The following MREG variants were observed in gnomAD, a reference collection of about 807,000 sequenced individuals.
MREG encodes dilute suppressor protein homolog.
MREG carries 31 observed loss-of-function variants against 28.5 expected under a neutral mutation model. That is an observed-to-expected ratio of 1.09 (90% CI 0.82 to 1.47). The LOEUF is 1.47. MREG is among the 40% of genes most tolerant of loss of function. MREG has a pLI of 0.00. For missense variants in MREG, 256 were observed against 257.4 expected (o/e 0.99, Z 0.04); for synonymous variants, 106 against 95.2 (o/e 1.11, Z -0.66).
At chr2:215,987,277 GCT>G (rs1174925929) in intron 2 of MREG, among the ~76,000 whole-genome samples, 2 of 150,982 alleles carry the variant, frequency 1.3e-5, no homozygotes, top group East Asian at 3.9e-4. Context: ...ATGAAGTCTT[GCT>G]CTGTCACCCA....
intron 1 of MREG, among the ~76,000 whole-genome samples, chr2:215,999,587 TCTA>T (rs1693959325): frequency 6.6e-6 from 1 of 152,212 alleles, no homozygotes; most frequent in Admixed American, 6.5e-5. Flanking sequence ...AAAATGGGGT[TCTA>T]CTGCTAAACA....
chr2:215,958,989 T>C (rs1574600536), intron 2 of MREG, among the ~76,000 whole-genome samples: 1 of 152,120 alleles, frequency 6.6e-6, no homozygotes, highest in East Asian at 1.9e-4. Flanking sequence ...CTGCCTAGAG[T>C]CTAAGTCAAG....
At position 215,971,900 on chromosome 2, in the gene MREG, A is replaced by G. The variant is rs114838581; in HGVS notation, c.255+24406T>C. On this transcript the variant is annotated intron_variant, in intron 2 of 4. Coordinates refer to ENST00000263268, the MANE Select transcript of MREG (RefSeq NM_018000.3). ...CAAGGATCTGCCAGCGAGAAGGGAGATCATTTCTCAAACGCACTGCCTTAC... is the reference window on the plus strand; with the variant it reads ...CAAGGATCTGCCAGCGAGAAGGGAGGTCATTTCTCAAACGCACTGCCTTAC... Among the ~76,000 whole-genome samples, 1,138 of 152,238 alleles carry G rather than the reference A, an allele frequency of 7.5e-3. 9 individuals carry two copies. Among genetic ancestry groups the G allele is most frequent in the African/African-American group, 0.025 (1,053 of 41,518 alleles).
chr2:216,028,795 C>A (rs1351993605), intron 1 of MREG, among the ~76,000 whole-genome samples: 1 of 151,818 alleles, frequency 6.6e-6, no homozygotes, highest in Non-Finnish European at 1.5e-5. Flanking sequence ...TGAATTCTAC[C>A]AATTACAGAC....
intron 2 of MREG, among the ~76,000 whole-genome samples, chr2:215,994,823 A>G (rs545987945): frequency 1.3e-5 from 2 of 152,328 alleles, no homozygotes; most frequent in South Asian, 4.1e-4. Flanking sequence ...GAGAGCTGCC[A>G]AATTCAGCTC....
chr2:215,959,054 C>A (rs1051884135), intron 2 of MREG, among the ~76,000 whole-genome samples: 2 of 151,980 alleles, frequency 1.3e-5, no homozygotes, highest in South Asian at 2.1e-4. Flanking sequence ...CCAGCTGATC[C>A]CCCTCACTCT....
chr2:215,982,627 C>T (rs376699164), intron 2 of MREG, among the ~76,000 whole-genome samples: 4 of 152,202 alleles, frequency 2.6e-5, no homozygotes, highest in East Asian at 3.9e-4. Context: ...AGTGTCTACT[C>T]GAGGCAGGAA....
intron 1 of MREG, among the ~76,000 whole-genome samples, chr2:216,019,865 T>C (rs990410323): frequency 1.1e-4 from 17 of 152,206 alleles, no homozygotes; most frequent in African/African-American, 4.1e-4. Context: ...ATATATACTC[T>C]AGAAAACCTT....
downstream of MREG, among the ~76,000 whole-genome samples, chr2:215,942,262 T>C (rs1559170827): frequency 6.6e-6 from 1 of 150,670 alleles, no homozygotes; most frequent in Admixed American, 6.6e-5. Flanking sequence ...AGTAAGAATA[T>C]AAAAAAAAAT....
chr2:216,007,409 T>TTA (rs1694185933), intron 1 of MREG, among the ~76,000 whole-genome samples: 1 of 122,350 alleles, frequency 8.2e-6, no homozygotes, highest in Non-Finnish European at 1.5e-5. Flanking sequence ...AACATTTTAT[T>TTA]TATTTATTTA....
intron 2 of MREG, among the ~76,000 whole-genome samples, chr2:215,965,134 T>C (rs1692905447): frequency 1.3e-5 from 2 of 152,238 alleles, no homozygotes; most frequent in African/African-American, 2.4e-5. Context: ...AGTCTAGGTC[T>C]GAGTATGACT....
intron 2 of MREG, among the ~76,000 whole-genome samples, chr2:215,966,087 T>G (rs1211747062): frequency 6.6e-6 from 1 of 152,088 alleles, no homozygotes; most frequent in Non-Finnish European, 1.5e-5. Context: ...TTAAAAGCTT[T>G]GCACTGTACA....
intron 2 of MREG, among the ~76,000 whole-genome samples, chr2:215,976,104 T>C (rs1693250459): frequency 1.0e-5 from 1 of 96,078 alleles, no homozygotes; most frequent in African/African-American, 3.2e-5. Context: ...CAGGACTCCG[T>C]CTCAAAAAAA....
intron 2 of MREG, among the ~76,000 whole-genome samples, chr2:215,980,910 C>CAGGGAAGGGA (rs368756670): frequency 3.6e-5 from 5 of 139,072 alleles, no homozygotes; most frequent in African/African-American, 5.4e-5. Context: ...CAGGGAAGGG[C>CAGGGAAGGGA]AGGGAAGGGA....
chr2:215,944,774 G>T lies in MREG; in HGVS notation c.*89C>A. The stretch of plus-strand genomic sequence containing the variant: ...ATTTTTCACTAAGCAAACTCTATTT[G>T]CTCACTCTCTTCTACATGTAATTGT... On this transcript the variant is annotated 3_prime_UTR_variant, in exon 5 of 5. Transcript: ENST00000263268. The T allele has an allele frequency of 7.6e-7, 1 of 1,309,184 alleles. No homozygotes were observed. Among genetic ancestry groups the T allele is most frequent in the Non-Finnish European group, 1.0e-6 (1 of 966,000 alleles). The allele number at this position is 1,309,184 out of a possible 1,614,324, so 81.1% of individuals were successfully genotyped here.
upstream of MREG, among the ~76,000 whole-genome samples, chr2:216,015,356 TG>T (rs1170239152): frequency 6.6e-6 from 1 of 151,934 alleles, no homozygotes; most frequent in Non-Finnish European, 1.5e-5. Context: ...GGAGTGAATA[TG>T]GGCAAAACCC....
At chr2:215,985,771 T>C (rs969901917) in intron 2 of MREG, among the ~76,000 whole-genome samples, 1 of 152,170 alleles carries the variant, frequency 6.6e-6, no homozygotes, top group Non-Finnish European at 1.5e-5. Flanking sequence ...CCTAGGTCTT[T>C]TGTGCTATTT....
chr2:215,971,222 C>T (rs370072617), intron 2 of MREG, among the ~76,000 whole-genome samples: 7 of 152,220 alleles, frequency 4.6e-5, no homozygotes, highest in African/African-American at 1.2e-4. Context: ...CGGGTTGATA[C>T]GGGCAGCAAA....
chr2:216,009,609 A>G (rs1056728509), intron 1 of MREG, among the ~76,000 whole-genome samples: 2 of 152,146 alleles, frequency 1.3e-5, no homozygotes, highest in African/African-American at 4.8e-5. Flanking sequence ...CAGGAACACA[A>G]ACATGCTCAG....
Sources: gnomAD v4.1 joint callset for allele counts (sites outside exome capture counted in the v4.1 genomes callset) on GRCh38, gnomAD v4.1.1 for gene constraint, MANE v1.5 for transcripts, NCBI Gene and HGNC (gene_info 2026-07-23, HGNC 2026-07-21) for gene names.